The following GRK1 variants were observed in gnomAD, a reference collection of about 807,000 sequenced individuals.
The protein encoded by GRK1 is G protein-coupled receptor kinase 1.
A neutral mutation model predicts 41.7 loss-of-function variants in GRK1; 28 were observed. The ratio of observed to expected loss-of-function variants is 0.67; its 90% CI spans 0.50 to 0.92. The LOEUF (loss-of-function observed/expected upper bound fraction) is 0.92, where lower values mean the gene tolerates loss of function less well. GRK1 is among the 40% of genes least tolerant of loss of function. The probability of loss-of-function intolerance (pLI) is 0.00; values close to 1 mark genes in which losing one functional copy is unlikely to be tolerated. For missense variants in GRK1, 703 were observed against 671.2 expected (o/e 1.05, Z -0.52); for synonymous variants, 327 against 286.7 (o/e 1.14, Z -1.42).
the GRK1 span, among the ~76,000 whole-genome samples, chr13:113,650,168 C>CAA: frequency 2.4e-4 from 24 of 99,948 alleles, no homozygotes; most frequent in African/African-American, 4.0e-4. This position sits in a 1 kb window ranked among gnomAD's most constrained non-coding sequence, Gnocchi z 5.0. Context: ...AAGACTGTCT[C>CAA]AAAAAAAAAA....
At chr13:113,733,929 TGTGCATAC>T (rs1343250544) in intron 6 of GRK1, among the ~76,000 whole-genome samples, 3 of 127,894 alleles carry the variant, frequency 2.3e-5, no homozygotes, top group Admixed American at 7.4e-5. Flanking sequence ...TGTGTGCATG[TGTGCATAC>T]GTGTGTGCGT....
chr13:113,733,165 TGA>T (rs2049950213), intron 6 of GRK1, 80 bp downstream of exon 6: 7 of 1,408,406 alleles, frequency 5.0e-6, no homozygotes, highest in South Asian at 1.4e-5. Context: ...GTCCAGCCTG[TGA>T]GAGTCGGCAG....
the GRK1 span, chr13:113,650,269 A>G: frequency 1.4e-5 from 11 of 769,120 alleles, no homozygotes; most frequent in Middle Eastern, 2.5e-4. This position sits in a 1 kb window ranked among gnomAD's most constrained non-coding sequence, Gnocchi z 5.0. Context: ...GGAAACACGC[A>G]GAACGTTCCA....
At position 113,737,347 on chromosome 13, in the gene GRK1, C is replaced by T. The variant is rs1299945380; in HGVS notation, c.*1984C>T. 1 of 130,874 alleles carries T rather than the reference C, an allele frequency of 7.6e-6. No individual in the cohort carries two copies. Among genetic ancestry groups the T allele is most frequent in the East Asian group, 2.1e-4 (1 of 4,708 alleles). 8.1% of individuals were successfully genotyped at this position (130,874 alleles called of 1,614,324 possible). On this transcript the variant is annotated 3_prime_UTR_variant, in exon 7 of 7. Transcript: ENST00000335678. ...CCCATAGATCCCACATCGGCCACACCCTGGGTGAGGAGCATGTCTTCCCAT... is the reference window on the plus strand; with the variant it reads ...CCCATAGATCCCACATCGGCCACACTCTGGGTGAGGAGCATGTCTTCCCAT...
At chr13:113,648,476 G>A in the GRK1 span, among the ~76,000 whole-genome samples, 1 of 152,236 alleles carries the variant, frequency 6.6e-6, no homozygotes, top group Admixed American at 6.5e-5. Context: ...CTTGCATGAT[G>A]AAACTGGGAC....
chr13:113,654,732 G>C, the GRK1 span: 1 of 1,515,682 alleles, frequency 6.6e-7, no homozygotes, highest in East Asian at 2.4e-5. Context: ...GGGAGGGCAC[G>C]GGTCCCCCGG....
the GRK1 span, among the ~76,000 whole-genome samples, chr13:113,657,790 C>T: frequency 6.6e-5 from 10 of 152,238 alleles, no homozygotes; most frequent in Non-Finnish European, 1.3e-4. Context: ...AGTCTGTGGA[C>T]GCCCTCCACC....
chr13:113,733,662 C>CGTGT (rs377471247), intron 6 of GRK1, among the ~76,000 whole-genome samples: 4,862 of 126,116 alleles, frequency 0.039, 428 homozygotes, highest in African/African-American at 0.14. Context: ...CGTGTGTGTG[C>CGTGT]GTGTGTGCAC....
In GRK1 at chr13:113,667,673, A is replaced by C. The variant is rs1327618518; in HGVS notation, c.287A>C (p.Asp96Ala). The stretch of plus-strand genomic sequence containing the variant: ...CTCTGGAAAGACATCGAGGACTATG[A>C]CACGGCAGACAATGACCTCCAGCCA... The part of the protein sequence containing the change: ...LELWKDIEDY[D>A]TADNDLQPQK... The change falls in exon 1 of 7, where the codon GAC (aspartate) becomes GCC (alanine). Residue 96 changes from aspartate (D) to alanine (A), a missense_variant. Asp to Ala is a moderately radical substitution (Grantham distance 126). Transcript: ENST00000335678. This position sits in a 1 kb window ranked among gnomAD's most constrained non-coding sequence, Gnocchi z 7.5. 5 of 1,613,640 alleles carry C rather than the reference A, an allele frequency of 3.1e-6. No homozygotes were observed. Among genetic ancestry groups the C allele is most frequent in the Non-Finnish European group, 3.4e-6 (4 of 1,179,910 alleles).
At chr13:113,661,525 A>G in the GRK1 span, among the ~76,000 whole-genome samples, 1 of 152,106 alleles carries the variant, frequency 6.6e-6, no homozygotes, top group African/African-American at 2.4e-5. Flanking sequence ...ATTAAAAGAT[A>G]AGAGCAGAAA....
the GRK1 span, chr13:113,658,200 A>T: frequency 6.6e-7 from 1 of 1,509,050 alleles, no homozygotes. Context: ...GCCCAGACTG[A>T]GGCCAGATGC....
upstream of GRK1, among the ~76,000 whole-genome samples, chr13:113,665,035 G>A (rs1342230288): frequency 1.2e-4 from 19 of 152,164 alleles, no homozygotes; most frequent in Non-Finnish European, 2.9e-5. Context: ...CTCGGTCTGC[G>A]GGCCCTCGCT....
chr13:113,724,765 G>C (rs1594574494), intron 4 of GRK1, among the ~76,000 whole-genome samples: 1 of 152,206 alleles, frequency 6.6e-6, no homozygotes, highest in South Asian at 2.1e-4. Flanking sequence ...CCTGCTTTTC[G>C]TGAGATGATC....
At chr13:113,653,258 A>G in the GRK1 span, 13 of 1,477,992 alleles carry the variant, frequency 8.8e-6, no homozygotes, top group African/African-American at 1.3e-4. Flanking sequence ...CACCTCACCC[A>G]CCCGCCGCTT....
At chr13:113,652,931 G>C in the GRK1 span, 2 of 1,614,158 alleles carry the variant, frequency 1.2e-6, no homozygotes, top group East Asian at 4.5e-5. Flanking sequence ...GTTGGGATCC[G>C]CCAGGCCTGA....
the GRK1 span, among the ~76,000 whole-genome samples, chr13:113,656,412 G>C: frequency 5.9e-3 from 906 of 152,320 alleles, 12 homozygotes; most frequent in African/African-American, 0.021. Context: ...GCGAGTCTCA[G>C]CTCCACCAGG....
the GRK1 span, chr13:113,649,609 G>A: frequency 7.0e-7 from 1 of 1,426,510 alleles, no homozygotes. This position sits in a 1 kb window ranked among gnomAD's most constrained non-coding sequence, Gnocchi z 4.7. Context: ...AAGCAAGGAA[G>A]TGTCAACAGT....
At position 113,672,326 on chromosome 13, in the gene GRK1, A is replaced by ATG. The variant is rs2049862927; in HGVS notation, c.985+674_985+675dup. On this transcript the variant is annotated intron_variant, in intron 3 of 6. Coordinates refer to ENST00000335678, the MANE Select transcript of GRK1 (RefSeq NM_002929.3). ...TGCTGGGGCCTCGTGGTCACTTGGT[A>ATG]TGTGTATGTGTGGTGTGTGGTACCT... Among the ~76,000 whole-genome samples the ATG allele has an allele frequency of 5.1e-5, 3 of 58,508 alleles. No homozygotes were observed. In the South Asian group the frequency reaches 1.7e-3, roughly 34 times the overall value. The allele number at this position is 58,508 out of a possible 152,430, so 38.4% of individuals were successfully genotyped here. A position where few individuals can be genotyped will look rare whatever the true frequency, so the allele number is the denominator to read the frequency against.
chr13:113,669,235 C>T (rs2049840388), intron 1 of GRK1, among the ~76,000 whole-genome samples: 1 of 152,324 alleles, frequency 6.6e-6, no homozygotes, highest in Admixed American at 6.5e-5. Flanking sequence ...CTTACAAACT[C>T]GTTCAATGGA....
Sources: gnomAD v4.1 joint callset for allele counts (sites outside exome capture counted in the v4.1 genomes callset) on GRCh38, gnomAD v4.1.1 for gene constraint, Gnocchi (gnomAD v3.1) non-coding constraint, MANE v1.5 for transcripts, NCBI Gene and HGNC (gene_info 2026-07-23, HGNC 2026-07-21) for gene names.